The following CREB5 variants were observed in gnomAD, a reference collection of about 807,000 sequenced individuals.
The protein encoded by CREB5 is cyclic AMP-responsive element-binding protein 5.
A neutral mutation model predicts 57.1 loss-of-function variants in CREB5; 19 were observed. The observed-to-expected ratio is 0.33, with a 90% CI of 0.23 to 0.49. CREB5 has a LOEUF of 0.49. Among genes scored for constraint, CREB5 ranks in the 20% least tolerant of loss-of-function variants. The probability of loss-of-function intolerance (pLI) is 0.99; values close to 1 mark genes in which losing one functional copy is unlikely to be tolerated. For synonymous variants in CREB5, 238 were observed against 238.3 expected (o/e 1.00, Z 0.01); for missense variants, 579 against 671.6 (o/e 0.86, Z 1.52).
At chr7:28,472,301 T>C (rs569357626) in intron 1 of CREB5, among the ~76,000 whole-genome samples, 2 of 152,358 alleles carry the variant, frequency 1.3e-5, no homozygotes, top group South Asian at 2.1e-4. Flanking sequence ...ATGTATATTG[T>C]ATATTTACTA....
At chr7:28,814,912 G>A (rs1473070368) in intron 9 of CREB5, among the ~76,000 whole-genome samples, 2 of 152,152 alleles carry the variant, frequency 1.3e-5, no homozygotes, top group African/African-American at 4.8e-5. Context: ...TCTCTACTGA[G>A]GACATTAATT....
At chr7:28,628,661 T>G (rs1210308838) in intron 5 of CREB5, among the ~76,000 whole-genome samples, 1 of 152,164 alleles carries the variant, frequency 6.6e-6, no homozygotes, top group Non-Finnish European at 1.5e-5. Flanking sequence ...GGGTGGGCTC[T>G]TAGGGTCCAA....
chr7:28,683,793 T>G (rs1583540677), intron 5 of CREB5, among the ~76,000 whole-genome samples: 2 of 152,112 alleles, frequency 1.3e-5, no homozygotes, highest in Admixed American at 6.5e-5. Flanking sequence ...CCCTTTTGCC[T>G]ATGTCACTGA....
chr7:28,311,138 C>CAAAAAAAAAAAAAAAAAAAA (rs58272820), intron 1 of CREB5, among the ~76,000 whole-genome samples: 1 of 117,610 alleles, frequency 8.5e-6, no homozygotes. Context: ...ACTAAAAATA[C>CAAAAAAAAAAAAAAAAAAAA]AAAAAAAAAA....
At chr7:28,340,163 TA>T (rs1429963662) in intron 1 of CREB5, among the ~76,000 whole-genome samples, 2 of 152,126 alleles carry the variant, frequency 1.3e-5, no homozygotes, top group African/African-American at 2.4e-5. Flanking sequence ...AGGTGCAAGA[TA>T]AAGTCCTGTT....
At chr7:28,603,746 G>A (rs1202858084) in intron 5 of CREB5, among the ~76,000 whole-genome samples, 1 of 152,174 alleles carries the variant, frequency 6.6e-6, no homozygotes, top group Non-Finnish European at 1.5e-5. Context: ...TCGTTACTTA[G>A]TCCGTTAGTT....
At chr7:28,580,258 G>C (rs1172835849) in intron 5 of CREB5, among the ~76,000 whole-genome samples, 1 of 152,028 alleles carries the variant, frequency 6.6e-6, no homozygotes. Context: ...TGCTGTTAGA[G>C]GTGACTGATG....
chr7:28,520,672 AT>A (rs948763290), intron 4 of CREB5, among the ~76,000 whole-genome samples: 10 of 152,364 alleles, frequency 6.6e-5, no homozygotes, highest in Admixed American at 3.3e-4. Context: ...TAGAAAGACT[AT>A]CTCTGAGATA....
intron 4 of CREB5, among the ~76,000 whole-genome samples, chr7:28,560,825 CGCGCGCGCGTGTGTGTGT>C (rs1275581892): frequency 1.6e-4 from 6 of 37,566 alleles, no homozygotes; most frequent in African/African-American, 4.3e-4. Context: ...TGTGTGTGCG[CGCGCGCGCGTGTGTGTGT>C]GCGCGTGTGT....
intron 1 of CREB5, among the ~76,000 whole-genome samples, chr7:28,445,780 T>G (rs1013035589): frequency 4.0e-5 from 6 of 151,714 alleles, no homozygotes; most frequent in Admixed American, 2.0e-4. Flanking sequence ...CTCGATCTTC[T>G]GACCTCATGA....
intron 1 of CREB5, among the ~76,000 whole-genome samples, chr7:28,474,311 C>T (rs778736828): frequency 3.3e-5 from 5 of 152,102 alleles, no homozygotes; most frequent in Admixed American, 1.3e-4. Flanking sequence ...TCAGTTTCCG[C>T]GGGTGTTGAC....
intron 5 of CREB5, among the ~76,000 whole-genome samples, chr7:28,693,144 T>G (rs58839422): frequency 0.13 from 19,723 of 152,064 alleles, 1,857 homozygotes; most frequent in African/African-American, 0.26. Flanking sequence ...TGCTTTATGG[T>G]TTTTTTTCTA....
At chr7:28,528,704 CAA>C (rs778154325) in intron 4 of CREB5, among the ~76,000 whole-genome samples, 27 of 58,408 alleles carry the variant, frequency 4.6e-4, no homozygotes, top group East Asian at 1.5e-3. Context: ...AACTCCATCT[CAA>C]AAAAAAAAAA....
chr7:28,455,031 C>A (rs1432583422), intron 1 of CREB5, among the ~76,000 whole-genome samples: 1 of 152,234 alleles, frequency 6.6e-6, no homozygotes, highest in East Asian at 1.9e-4. Flanking sequence ...GGTACCTCTA[C>A]TGACTTCTGT....
intron 1 of CREB5, among the ~76,000 whole-genome samples, chr7:28,480,204 C>A (rs1308751111): frequency 6.6e-6 from 1 of 152,076 alleles, no homozygotes; most frequent in East Asian, 1.9e-4. Flanking sequence ...CAGAGTAGTA[C>A]CATTTGGGAA....
At chr7:28,639,665 A>C (rs2128699239) in intron 5 of CREB5, among the ~76,000 whole-genome samples, 1 of 152,268 alleles carries the variant, frequency 6.6e-6, no homozygotes, top group East Asian at 1.9e-4. Context: ...CTTACCTGAC[A>C]GTCATCAAGA....
chr7:28,461,147 C>A (rs1482293237), intron 1 of CREB5, among the ~76,000 whole-genome samples: 11 of 151,266 alleles, frequency 7.3e-5, no homozygotes, highest in Admixed American at 7.2e-4. Context: ...CGTTTGGGTC[C>A]AGGGGTTCAA....
intron 5 of CREB5, among the ~76,000 whole-genome samples, chr7:28,631,260 T>C (rs1798191491): frequency 6.6e-6 from 1 of 152,184 alleles, no homozygotes; most frequent in Admixed American, 6.5e-5. Flanking sequence ...GTAGCACCCT[T>C]CACAGCTGTT....
intron 7 of CREB5, among the ~76,000 whole-genome samples, chr7:28,793,654 G>A (rs1008895926): frequency 3.6e-4 from 55 of 152,184 alleles, no homozygotes; most frequent in African/African-American, 1.3e-3. Context: ...GAGCACAGCC[G>A]CCCTCCCAAG....
Sources: gnomAD v4.1 joint callset for allele counts (sites outside exome capture counted in the v4.1 genomes callset) on GRCh38, gnomAD v4.1.1 for gene constraint, MANE v1.5 for transcripts, NCBI Gene and HGNC (gene_info 2026-07-23, HGNC 2026-07-21) for gene names.